The following SLC36A4 variants were observed in gnomAD, a reference collection of about 807,000 sequenced individuals.
SLC36A4 encodes the protein solute carrier family 36 member 4, also known as neutral amino acid uniporter 4.
SLC36A4 carries 49 observed loss-of-function variants against 50.5 expected under a neutral mutation model. The observed-to-expected ratio is 0.97, with a 90% CI of 0.77 to 1.23. The LOEUF is 1.23. SLC36A4 is among the 50% of genes most tolerant of loss of function. The probability of loss-of-function intolerance (pLI) is 0.00; values close to 1 mark genes in which losing one functional copy is unlikely to be tolerated. For synonymous variants in SLC36A4, 207 were observed against 206.5 expected, an observed-to-expected ratio of 1.00 and a Z score of -0.02; for missense variants, 611 against 608.4, an observed-to-expected ratio of 1.00 and a Z score of -0.05.
chr11:93,159,665 T>C (rs1860531819), intron 9 of SLC36A4: 1 of 283,212 alleles, frequency 3.5e-6, no homozygotes, highest in Admixed American at 6.5e-5. Context: ...TGCCTTGAAC[T>C]AGTAAAACCT....
At chr11:93,190,828 TA>T (rs1862189170) in intron 1 of SLC36A4, among the ~76,000 whole-genome samples, 1 of 152,122 alleles carries the variant, frequency 6.6e-6, no homozygotes, top group Non-Finnish European at 1.5e-5. Flanking sequence ...CGCCTCCCAG[TA>T]AATACATTTT....
chr11:93,164,684 G>A (rs929652106), intron 8 of SLC36A4, among the ~76,000 whole-genome samples: 2 of 152,154 alleles, frequency 1.3e-5, no homozygotes, highest in East Asian at 1.9e-4. Context: ...CAGCAAGGGA[G>A]AAAGAGAAAG....
At chr11:93,170,916 T>C (rs576004595) in intron 6 of SLC36A4, among the ~76,000 whole-genome samples, 3 of 152,056 alleles carry the variant, frequency 2.0e-5, no homozygotes, top group Non-Finnish European at 4.4e-5. Context: ...ATAAGATACA[T>C]TTCAATTTCA....
chr11:93,157,174 G>C (rs1860405603), intron 9 of SLC36A4, among the ~76,000 whole-genome samples: 1 of 152,006 alleles, frequency 6.6e-6, no homozygotes, highest in Non-Finnish European at 1.5e-5. Context: ...CCTTACTTCT[G>C]GGCTCTCTAT....
At chr11:93,160,766 C>T (rs1860583044) in intron 9 of SLC36A4, 1 of 970,228 alleles carries the variant, frequency 1.0e-6, no homozygotes, top group African/African-American at 1.8e-5. Context: ...TTTCCATGTA[C>T]CTTTTACATT....
chr11:93,161,687 G>T (rs961866448), intron 9 of SLC36A4, among the ~76,000 whole-genome samples: 6 of 152,282 alleles, frequency 3.9e-5, no homozygotes, highest in Middle Eastern at 3.4e-3. Context: ...AGACATTTAA[G>T]ATTACACAGA....
rs772619196 is a variant in SLC36A4 at position 93,184,499 on chromosome 11, G to C, written c.201C>G (p.His67Gln). Residue 67 changes from histidine (H) to glutamine (Q), a missense_variant, in exon 3 of 11, where the codon CAC becomes CAG. By Grantham distance (24) the His-to-Gln change is conservative (BLOSUM62 0). Transcript: ENST00000326402. ...EGISFVQTLM[H>Q]LLKGNIGTGL... is the part of the protein sequence containing the mutation. Reference sequence around the variant, plus strand: ...CAGTTCCAATATTTCCTTTAAGAAGGTGCATAAGAGTTTGTACAAATCTGA... The same window carrying C: ...CAGTTCCAATATTTCCTTTAAGAAGCTGCATAAGAGTTTGTACAAATCTGA... 2.5e-6 allele frequency: 4 copies of C among 1,606,100 alleles called. No homozygotes were observed. Among genetic ancestry groups the C allele is most frequent in the Non-Finnish European group, 2.6e-6 (3 of 1,174,242 alleles).
chr11:93,185,633 G>T lies in SLC36A4; in HGVS notation c.179+58C>A, dbSNP rs1861950196. On this transcript the variant is annotated intron_variant, in intron 2 of 10. Transcript: ENST00000326402. ...ATAGAATGTCTTGCCTGTAGAAGAA[G>T]ATTACAAAATACATACTGAATTAAA... 8 of 1,451,480 alleles carry T rather than the reference G, an allele frequency of 5.5e-6. No homozygotes were observed. The South Asian group carries it at 1.0e-4, about 18-fold the overall frequency. 89.9% of individuals were successfully genotyped at this position (1,451,480 alleles called of 1,614,324 possible).
intron 6 of SLC36A4, among the ~76,000 whole-genome samples, chr11:93,175,813 T>C (rs1359029772): frequency 3.0e-4 from 12 of 39,630 alleles, no homozygotes; most frequent in African/African-American, 1.6e-4. Flanking sequence ...GTCTGAGAGA[T>C]AGTTTGTTAT....
At chr11:93,151,470 C>T (rs934075460) in intron 10 of SLC36A4, among the ~76,000 whole-genome samples, 9 of 151,994 alleles carry the variant, frequency 5.9e-5, no homozygotes, top group African/African-American at 2.2e-4. Flanking sequence ...CTTGATATTA[C>T]AGCACCAAAA....
chr11:93,150,532 GTT>G (rs1860036453), intron 10 of SLC36A4, among the ~76,000 whole-genome samples: 1 of 151,944 alleles, frequency 6.6e-6, no homozygotes, highest in African/African-American at 2.4e-5. Flanking sequence ...CCTAAAAACT[GTT>G]TTGAAATTAT....
At chr11:93,156,776 CA>C (rs1860385003) in intron 9 of SLC36A4, among the ~76,000 whole-genome samples, 1 of 152,090 alleles carries the variant, frequency 6.6e-6, no homozygotes, top group African/African-American at 2.4e-5. Flanking sequence ...GCATAGTTTG[CA>C]AAAATTTTCT....
intron 10 of SLC36A4, among the ~76,000 whole-genome samples, chr11:93,150,944 A>G (rs1860060794): frequency 6.6e-6 from 1 of 152,046 alleles, no homozygotes; most frequent in Admixed American, 6.6e-5. Flanking sequence ...CTAGTAAATC[A>G]AGTGAAATAT....
chr11:93,183,018 A>C, intron 3 of SLC36A4, 124 bp from the exon 4 acceptor site: 1 of 645,378 alleles, frequency 1.5e-6, no homozygotes, highest in Non-Finnish European at 2.7e-6. Context: ...ATGATTAGTC[A>C]TTGCATAAGG....
At chr11:93,184,719 T>C (rs548564556) in intron 2 of SLC36A4, among the ~76,000 whole-genome samples, 199 bp from the exon 3 acceptor site, 7 of 152,288 alleles carry the variant, frequency 4.6e-5, no homozygotes, top group Admixed American at 1.3e-4. Context: ...ACAAGAGTTA[T>C]TGTGGATATT....
rs141494882 is a variant in SLC36A4, at chr11:93,145,893, C to T, written c.*2644G>A. On this transcript the variant is annotated 3_prime_UTR_variant, in exon 11 of 11. Coordinates refer to ENST00000326402, the MANE Select transcript of SLC36A4 (RefSeq NM_152313.4). ...AGCTAAATTTTCAGAGAAAAAATTA[C>T]CCACTGGTTATTTTTGCAAATAAAA... 8.9e-4 allele frequency: 135 copies of T among 152,146 alleles called. 1 individual carries two copies. Among genetic ancestry groups the T allele is most frequent in the Middle Eastern group, 6.8e-3 (2 of 294 alleles). The allele number at this position is 152,146 out of a possible 1,614,324, so 9.4% of individuals were successfully genotyped here.
At chr11:93,162,657 T>C (rs760193334) in intron 9 of SLC36A4, 49 bp downstream of exon 9, 1 of 1,400,520 alleles carries the variant, frequency 7.1e-7, no homozygotes, top group Non-Finnish European at 9.8e-7. Context: ...CAAACAGTGG[T>C]ACATTATAAA....
chr11:93,158,298 T>C (rs1426111349), intron 9 of SLC36A4, among the ~76,000 whole-genome samples: 1 of 152,134 alleles, frequency 6.6e-6, no homozygotes, highest in Non-Finnish European at 1.5e-5. Flanking sequence ...CATTCCTTTT[T>C]CTAATTAATT....
At position 93,181,733 on chromosome 11, in the gene SLC36A4, A is replaced by T; in HGVS notation, c.413T>A (p.Val138Glu). The T allele has an allele frequency of 6.5e-7, 1 of 1,543,860 alleles. No individual in the cohort carries two copies. Among genetic ancestry groups the T allele is most frequent in the Non-Finnish European group, 8.8e-7 (1 of 1,138,196 alleles). The change falls in exon 5 of 11, where the codon GTG becomes GAG. Residue 138 changes from valine (V) to glutamate (E), a missense_variant. Val to Glu is a moderately radical substitution (Grantham distance 121). Transcript: ENST00000326402. ...CTTCTGAAGACAACTCCAAGGACTCACTTCCATAGCAAAGCTCACAGTGTC... is the reference window on the plus strand; with the variant it reads ...CTTCTGAAGACAACTCCAAGGACTCTCTTCCATAGCAAAGCTCACAGTGTC... ...YSDTVSFAME[V>E]SPWSCLQKQA...
Sources: allele counts gnomAD v4.1 joint callset (sites outside exome capture counted in the v4.1 genomes callset), GRCh38; gene constraint gnomAD v4.1.1; transcripts MANE v1.5; gene names NCBI Gene and HGNC (gene_info 2026-07-23, HGNC 2026-07-21).